CSMD1: variants seen among roughly 807,000 people sequenced by gnomAD.
The protein encoded by CSMD1 is CUB and sushi domain-containing protein 1.
CSMD1 carries 213 observed loss-of-function variants against 417.5 expected under a neutral mutation model. That is an observed-to-expected ratio of 0.51 (90% CI 0.46 to 0.57). The LOEUF (loss-of-function observed/expected upper bound fraction) is 0.57, where lower values mean the gene tolerates loss of function less well. Among genes scored for constraint, CSMD1 ranks in the 20% least tolerant of loss-of-function variants. CSMD1 has a pLI of 0.00. For synonymous variants in CSMD1, 2,862 were observed against 1,736.8 expected, an observed-to-expected ratio of 1.65 and a Z score of -16.11; for missense variants, 6,923 against 4,529.7, an observed-to-expected ratio of 1.53 and a Z score of -15.17.
chr8:3,374,793 C>T (rs1190035221), intron 18 of CSMD1, among the ~76,000 whole-genome samples: 1 of 152,186 alleles, frequency 6.6e-6, no homozygotes, highest in East Asian at 1.9e-4. Context: ...ACACAGCCCT[C>T]TGGGGATTCT....
intron 2 of CSMD1, among the ~76,000 whole-genome samples, chr8:4,431,112 C>T (rs566807220): frequency 6.6e-6 from 1 of 151,752 alleles, no homozygotes; most frequent in Non-Finnish European, 1.5e-5. Flanking sequence ...TTAAACAGAC[C>T]ACATGACTGT....
rs148654304 is a variant in CSMD1 at position 3,187,854 on chromosome 8, T to C, written c.5620+15A>G. 57 of 1,602,346 alleles carry C rather than the reference T, an allele frequency of 3.6e-5. No homozygotes were observed. In the African/African-American group the frequency reaches 5.6e-4, roughly 16 times the overall value. ...ATTTTGAGTCACACAGGTGAGGAAATTGACTCCATCTTACCTGAGAAGCTT... is the reference window on the plus strand; with the variant it reads ...ATTTTGAGTCACACAGGTGAGGAAACTGACTCCATCTTACCTGAGAAGCTT... On this transcript the variant is annotated intron_variant, in intron 36 of 69. Coordinates refer to ENST00000635120, the MANE Select transcript of CSMD1 (RefSeq NM_033225.6).
chr8:3,840,963 T>A (rs1258245129), intron 5 of CSMD1, among the ~76,000 whole-genome samples: 1 of 152,086 alleles, frequency 6.6e-6, no homozygotes, highest in African/African-American at 2.4e-5. Flanking sequence ...TGCCTCGGCC[T>A]CCCAAAGTGC....
chr8:3,139,531 G>C (rs1026136957), intron 41 of CSMD1, among the ~76,000 whole-genome samples: 7 of 152,130 alleles, frequency 4.6e-5, no homozygotes, highest in African/African-American at 1.2e-4. Context: ...AGATCTTGTC[G>C]ATAGAAGACC....
At chr8:4,223,050 A>G (rs1470918678) in intron 3 of CSMD1, among the ~76,000 whole-genome samples, 1 of 152,110 alleles carries the variant, frequency 6.6e-6, no homozygotes, top group Non-Finnish European at 1.5e-5. Context: ...GGCTTCCTAC[A>G]TTGGACATTG....
chr8:3,127,588 T>C (rs952547158), intron 41 of CSMD1: 3 of 152,216 alleles, frequency 2.0e-5, no homozygotes, highest in African/African-American at 7.2e-5. Context: ...TCAGCAGTTT[T>C]ATGATTGTGA....
chr8:4,252,571 T>C (rs1171684832), intron 3 of CSMD1, among the ~76,000 whole-genome samples: 2 of 152,246 alleles, frequency 1.3e-5, no homozygotes, highest in Non-Finnish European at 2.9e-5. Context: ...AACTGCTACT[T>C]ACCTACACAA....
chr8:3,486,331 G>A (rs767520469), intron 11 of CSMD1, among the ~76,000 whole-genome samples: 2 of 152,216 alleles, frequency 1.3e-5, no homozygotes, highest in Non-Finnish European at 2.9e-5. Flanking sequence ...AGGCACAAGA[G>A]AGGGAGTCAG....
At chr8:3,885,299 C>T (rs957057455) in intron 5 of CSMD1, among the ~76,000 whole-genome samples, 9 of 152,070 alleles carry the variant, frequency 5.9e-5, no homozygotes, top group African/African-American at 2.2e-4. Flanking sequence ...TCAATCTGAC[C>T]TTTTCAGGGG....
intron 5 of CSMD1, among the ~76,000 whole-genome samples, chr8:3,814,918 C>T (rs188470117): frequency 6.6e-6 from 1 of 152,218 alleles, no homozygotes; most frequent in East Asian, 1.9e-4. Flanking sequence ...TAAAAACCGA[C>T]ACTCTCATTA....
At chr8:3,034,761 T>A (rs529825994) in intron 50 of CSMD1, among the ~76,000 whole-genome samples, 1 of 152,134 alleles carries the variant, frequency 6.6e-6, no homozygotes, top group Non-Finnish European at 1.5e-5. Context: ...AAAAATATAG[T>A]CTATAGGGAC....
intron 30 of CSMD1, among the ~76,000 whole-genome samples, chr8:3,206,765 T>G (rs1174912402): frequency 2.0e-5 from 3 of 152,032 alleles, no homozygotes; most frequent in African/African-American, 4.8e-5. Flanking sequence ...TTACTTTGGC[T>G]TCACTTTTGC....
intron 10 of CSMD1, among the ~76,000 whole-genome samples, chr8:3,518,185 G>C (rs781767503): frequency 3.3e-5 from 5 of 152,010 alleles, no homozygotes; most frequent in African/African-American, 7.2e-5. Flanking sequence ...GGTTATTAGC[G>C]AACTATGGAC....
rs34597770 is a variant in CSMD1, at chr8:4,824,082, C to CCACACA, written c.85+170244_85+170249dup. Among the ~76,000 whole-genome samples, 606 of 147,736 alleles carry CCACACA rather than the reference C, an allele frequency of 4.1e-3. 7 individuals are homozygous for CCACACA. The highest frequency in any genetic ancestry group is 0.014 in the African/African-American group (555 of 40,218). The stretch of plus-strand genomic sequence containing the variant: ...TACTTGCACATACACAAATAAATAT[C>CCACACA]CACACACACACACACACACACACAC... On this transcript the variant is annotated intron_variant, in intron 1 of 69. Coordinates refer to ENST00000635120, the MANE Select transcript of CSMD1 (RefSeq NM_033225.6).
rs13260055 is a variant in CSMD1, at chr8:4,302,627, C to A, written c.415+117326G>T. Among the ~76,000 whole-genome samples, 3 of 152,182 alleles carry A rather than the reference C, an allele frequency of 2.0e-5. No homozygotes were observed. In the East Asian group the frequency reaches 5.8e-4, roughly 29 times the overall value. On this transcript the variant is annotated intron_variant, in intron 3 of 69. Transcript: ENST00000635120. ...TTCTCTCCTATGTTGTTGTGTTTTT[C>A]TCTGACACAAAGGTCAAAACTAATA...
chr8:3,693,147 G>A (rs1032112258), intron 7 of CSMD1, among the ~76,000 whole-genome samples: 11 of 152,120 alleles, frequency 7.2e-5, no homozygotes, highest in Admixed American at 7.2e-4. Flanking sequence ...CCCACACTGT[G>A]TCAAGTAATT....
At chr8:4,454,303 G>C (rs1263195287) in intron 2 of CSMD1, among the ~76,000 whole-genome samples, 1 of 152,102 alleles carries the variant, frequency 6.6e-6, no homozygotes, top group Non-Finnish European at 1.5e-5. Flanking sequence ...ACCAGACGCA[G>C]CCTCTTCTTC....
At chr8:3,305,450 G>C (rs985871211) in intron 25 of CSMD1, among the ~76,000 whole-genome samples, 3 of 152,032 alleles carry the variant, frequency 2.0e-5, no homozygotes, top group Admixed American at 2.0e-4. Context: ...AGGTCATAAG[G>C]GCTGGGCCCT....
Position 3,429,763 on chromosome 8 carries a change from G to T in CSMD1, c.1562-20158C>A, listed in dbSNP as rs1321577022. Among the ~76,000 whole-genome samples the T allele has an allele frequency of 2.0e-5, 3 of 152,078 alleles. No homozygotes were observed. In the East Asian group the frequency reaches 5.8e-4, roughly 29 times the overall value. On this transcript the variant is annotated intron_variant, in intron 12 of 69. Coordinates refer to ENST00000635120, the MANE Select transcript of CSMD1 (RefSeq NM_033225.6). ...AATTTTCTATGAAATAAAGTCTATG[G>T]TTGTTGTTTTCTATGGTTTGTAATT...
Sources: allele counts gnomAD v4.1 joint callset (sites outside exome capture counted in the v4.1 genomes callset), GRCh38; gene constraint gnomAD v4.1.1; transcripts MANE v1.5; gene names NCBI Gene and HGNC (gene_info 2026-07-23, HGNC 2026-07-21).